Variants in NINL observed in about 807,000 individuals in gnomAD.
The protein encoded by NINL is ninein-like protein.
In NINL, 153 loss-of-function variants were observed where a neutral mutation model predicts 160.3. The observed-to-expected ratio is 0.95, with a 90% CI of 0.84 to 1.09. The LOEUF (loss-of-function observed/expected upper bound fraction) is 1.09, where lower values mean the gene tolerates loss of function less well. Ranked by LOEUF, NINL falls within the 50% of genes least tolerant of loss-of-function variation. NINL has a pLI of 0.00. For missense variants in NINL, 1,829 were observed against 1,764.0 expected, an observed-to-expected ratio of 1.04 and a Z score of -0.66; for synonymous variants, 800 against 734.8, an observed-to-expected ratio of 1.09 and a Z score of -1.43.
chr20:25,518,774 T>A (rs1027911876), intron 2 of NINL, among the ~76,000 whole-genome samples: 3 of 152,040 alleles, frequency 2.0e-5, no homozygotes, highest in Non-Finnish European at 4.4e-5. Context: ...TTGGATTTAC[T>A]ATTTTAGGAT....
chr20:25,492,835 G>A (rs518336), intron 10 of NINL, among the ~76,000 whole-genome samples: 2 of 152,264 alleles, frequency 1.3e-5, no homozygotes, highest in Admixed American at 6.5e-5. Flanking sequence ...CCGGGAAAGT[G>A]AGATTTCTGG....
chr20:25,580,680 C>T (rs2147207707), intron 1 of NINL, among the ~76,000 whole-genome samples: 1 of 152,342 alleles, frequency 6.6e-6, no homozygotes, highest in South Asian at 2.1e-4. Context: ...CTCTAAAAGA[C>T]TCCTCTGTCC....
chr20:25,551,751 G>C (rs2064809407), intron 1 of NINL, among the ~76,000 whole-genome samples: 2 of 152,214 alleles, frequency 1.3e-5, no homozygotes, highest in South Asian at 4.1e-4. Context: ...ATGGAGGAGA[G>C]TCAAGCAGGA....
intron 1 of NINL, among the ~76,000 whole-genome samples, chr20:25,565,333 T>C (rs2064987905): frequency 6.6e-6 from 1 of 151,714 alleles, no homozygotes; most frequent in African/African-American, 2.4e-5. Context: ...CTCCAGTAGC[T>C]TTCTGGATAA....
intron 2 of NINL, among the ~76,000 whole-genome samples, chr20:25,520,155 T>A (rs2064237779): frequency 6.6e-6 from 1 of 151,960 alleles, no homozygotes. Context: ...TGATGAGGGA[T>A]AAGGGTGTGA....
At chr20:25,479,964 T>C (rs1392124308) in intron 15 of NINL, among the ~76,000 whole-genome samples, 197 bp downstream of exon 15, 3 of 152,238 alleles carry the variant, frequency 2.0e-5, no homozygotes, top group African/African-American at 7.2e-5. Context: ...TCCTATGTCC[T>C]GTGTCCTTCC....
rs182332054 is a variant in NINL, at chr20:25,585,187, G to A, written c.-12+268C>T. ...TCGTTCGCACGGCGCCCGCGCCGCC[G>A]CCGTCGGGAAACCGGGTTTTCAAGC... On this transcript the variant is annotated intron_variant, in intron 1 of 23. Coordinates refer to ENST00000278886, the MANE Select transcript of NINL (RefSeq NM_025176.6). Among the ~76,000 whole-genome samples the A allele has an allele frequency of 1.6e-3, 247 of 152,268 alleles. 5 individuals are homozygous for A. In the East Asian group the frequency reaches 0.04, roughly 24 times the overall value.
Position 25,479,038 on chromosome 20 carries a change from G to A in NINL, c.2086C>T (p.Gln696Ter), listed in dbSNP as rs1375041987. 6.2e-7 allele frequency: 1 copy of A among 1,611,248 alleles called. No individual in the cohort carries two copies. The highest frequency in any genetic ancestry group is 8.5e-7 in the Non-Finnish European group (1 of 1,179,998). ...GGGCCGCGGGCTGTGTCCTGCAGCT[G>A]CTCCTGCAGGCCCCAGATGACCTCC... ...SQEVIWGLQE[Q>*]LQDTARGPEP... The change falls in exon 16 of 24, where the codon CAG (glutamine) becomes TAG (stop). Residue 696 changes from glutamine to a stop codon, truncating the protein, a stop_gained. Transcript: ENST00000278886. LOFTEE classifies it high-confidence loss of function.
chr20:25,477,030 C>T lies in NINL; in HGVS notation c.2261G>A (p.Arg754His), dbSNP rs1226207687. 3.1e-6 allele frequency: 5 copies of T among 1,599,388 alleles called. No individual in the cohort carries two copies. Among genetic ancestry groups the T allele is most frequent in the East Asian group, 2.2e-5 (1 of 44,842 alleles). Residue 754 changes from arginine (R) to histidine (H), a missense_variant, in exon 17 of 24, where the codon CGC (arginine) becomes CAC (histidine). Coordinates refer to ENST00000278886, the MANE Select transcript of NINL (RefSeq NM_025176.6). ...CTCCAGCTCCAAGGTCAGGTCTCTG[C>T]GAGCGGGCAGGGCTCCCAGCCCCGA... The part of the protein sequence containing the change: ...ELSGLGALPA[R>H]RDLTLELEEP...
chr20:25,453,323 G>A lies in NINL; in HGVS notation c.*128C>T, dbSNP rs556532563. 2 of 781,118 alleles carry A rather than the reference G, an allele frequency of 2.6e-6. No homozygotes were observed. Among genetic ancestry groups the A allele is most frequent in the East Asian group, 5.5e-5 (2 of 36,326 alleles). The allele number at this position is 781,118 out of a possible 1,614,324, so 48.4% of individuals were successfully genotyped here. ...CAGACCATTCATTAACTATCTGCGG[G>A]GTGAACAAAGAATCCCAATCCTCAG... On this transcript the variant is annotated 3_prime_UTR_variant, in exon 24 of 24. Coordinates refer to ENST00000278886, the MANE Select transcript of NINL (RefSeq NM_025176.6).
At chr20:25,535,477 A>T (rs2064540413) in intron 1 of NINL, among the ~76,000 whole-genome samples, 1 of 152,228 alleles carries the variant, frequency 6.6e-6, no homozygotes, top group Non-Finnish European at 1.5e-5. Context: ...ACAATTTTAT[A>T]ATGTATACAT....
intron 23 of NINL, among the ~76,000 whole-genome samples, chr20:25,454,083 A>G (rs1351500399): frequency 6.6e-6 from 1 of 151,962 alleles, no homozygotes; most frequent in Non-Finnish European, 1.5e-5. Context: ...TGACACAAAT[A>G]CTGGATTATA....
At chr20:25,570,560 G>A (rs1045747191) in intron 1 of NINL, among the ~76,000 whole-genome samples, 3 of 151,970 alleles carry the variant, frequency 2.0e-5, no homozygotes, top group Non-Finnish European at 4.4e-5. Context: ...GCAGAACCCT[G>A]AGCCAATTAA....
At chr20:25,542,697 TAAAAAAAAAAAAAAAAAAAAAAAAAAAA>T (rs71185304) in intron 1 of NINL, among the ~76,000 whole-genome samples, 1,127 of 51,332 alleles carry the variant, frequency 0.022, 29 homozygotes, top group African/African-American at 0.09. Flanking sequence ...TTGCTTTCAC[TAAAAAAAAAAAAAAAAAAAAAAAAAAAA>T]AAAAAAAAAA....
At chr20:25,572,087 C>A (rs2065060598) in intron 1 of NINL, among the ~76,000 whole-genome samples, 1 of 152,076 alleles carries the variant, frequency 6.6e-6, no homozygotes, top group South Asian at 2.1e-4. Flanking sequence ...AACGCATGTG[C>A]AGACACAGGA....
At chr20:25,496,078 G>A (rs565733605) in intron 10 of NINL, among the ~76,000 whole-genome samples, 7 of 152,094 alleles carry the variant, frequency 4.6e-5, no homozygotes, top group African/African-American at 9.7e-5. Context: ...CCTGGGAGGC[G>A]GAGGTTGCAG....
At chr20:25,502,946 T>C (rs2063896237) in intron 7 of NINL, among the ~76,000 whole-genome samples, 1 of 152,248 alleles carries the variant, frequency 6.6e-6, no homozygotes, top group Admixed American at 6.5e-5. Context: ...CCTTTAGCAA[T>C]GCGAGAACAG....
Position 25,476,267 on chromosome 20 carries a change from C to T in NINL, c.3024G>A (p.Gly1008=). 6.2e-7 allele frequency: 1 copy of T among 1,613,854 alleles called. No individual in the cohort carries two copies. Among genetic ancestry groups the T allele is most frequent in the African/African-American group, 1.3e-5 (1 of 75,046 alleles). ...QARAEGALEP[G]CHKHSVEVAR... ...CAACCTCCACACTGTGCTTGTGACA[C>T]CCAGGCTCCAGGGCGCCCTCGGCCC... Residue 1008 remains glycine (G), a synonymous_variant, in exon 17 of 24, where the codon GGG becomes GGA. Transcript: ENST00000278886.
intron 1 of NINL, among the ~76,000 whole-genome samples, chr20:25,538,725 C>T (rs1407897818): frequency 6.6e-6 from 1 of 151,752 alleles, no homozygotes; most frequent in Non-Finnish European, 1.5e-5. Context: ...CTGGGGAGCA[C>T]AGAACTAGGA....
Sources: allele counts gnomAD v4.1 joint callset (sites outside exome capture counted in the v4.1 genomes callset), GRCh38; gene constraint gnomAD v4.1.1; transcripts MANE v1.5; gene names NCBI Gene and HGNC (gene_info 2026-07-23, HGNC 2026-07-21).